PHACTR3: variants seen among roughly 807,000 people sequenced by gnomAD.
PHACTR3 encodes the protein protein phosphatase 1, regulatory subunit 123.
A neutral mutation model predicts 66.8 loss-of-function variants in PHACTR3; 16 were observed. That is an observed-to-expected ratio of 0.24 (90% CI 0.16 to 0.36). PHACTR3 has a LOEUF of 0.36. Ranked by LOEUF, PHACTR3 falls within the 10% of genes least tolerant of loss-of-function variation. The pLI, the probability that PHACTR3 is intolerant of heterozygous loss-of-function variation, is 1.00. For synonymous variants in PHACTR3, 323 were observed against 292.1 expected (o/e 1.11, Z -1.08); for missense variants, 647 against 719.9 (o/e 0.90, Z 1.16).
intron 1 of PHACTR3, among the ~76,000 whole-genome samples, chr20:59,714,870 A>G (rs1568738025): frequency 6.6e-6 from 1 of 152,116 alleles, no homozygotes; most frequent in South Asian, 2.1e-4. Flanking sequence ...AATGTATTCT[A>G]TGTATAGGTC....
Position 59,605,201 on chromosome 20 carries a change from C to T in PHACTR3, c.118+69C>T, listed in dbSNP as rs986968829. 2.7e-6 allele frequency: 3 copies of T among 1,109,422 alleles called. No individual in the cohort carries two copies. In the South Asian group the frequency reaches 9.3e-5, roughly 34 times the overall value. 68.7% of individuals were successfully genotyped at this position (1,109,422 alleles called of 1,614,324 possible). A position where few individuals can be genotyped will look rare whatever the true frequency, so the allele number is the denominator to read the frequency against. On this transcript the variant is annotated intron_variant, in intron 1 of 12. Transcript: ENST00000371015. Reference sequence around the variant, plus strand: ...AGGCAGGTGGCGCTGAGAGCAGGACCCCGCGAGGCTCCGCGCCCCGCCTGC... The same window carrying T: ...AGGCAGGTGGCGCTGAGAGCAGGACTCCGCGAGGCTCCGCGCCCCGCCTGC...
At chr20:59,598,170 T>A (rs2033378816) in intron 1 of PHACTR3, among the ~76,000 whole-genome samples, 1 of 152,242 alleles carries the variant, frequency 6.6e-6, no homozygotes, top group Non-Finnish European at 1.5e-5. Flanking sequence ...GTTGTGTTTC[T>A]CTGCTCTGGG....
At chr20:59,810,020 A>G (rs1043201197) in intron 8 of PHACTR3, among the ~76,000 whole-genome samples, 1 of 152,238 alleles carries the variant, frequency 6.6e-6, no homozygotes, top group African/African-American at 2.4e-5. Flanking sequence ...ACCAGTTAAT[A>G]ATGGTTTTCT....
At chr20:59,605,851 G>C (rs937348679) in intron 1 of PHACTR3, among the ~76,000 whole-genome samples, 13 of 128,734 alleles carry the variant, frequency 1.0e-4, no homozygotes, top group Non-Finnish European at 2.2e-4. Context: ...TAAAGCGGGG[G>C]GGGAGGTGGG....
chr20:59,747,378 G>C (rs1292521654), intron 2 of PHACTR3, among the ~76,000 whole-genome samples: 1 of 152,236 alleles, frequency 6.6e-6, no homozygotes, highest in South Asian at 2.1e-4. Flanking sequence ...AAAGGAGCCC[G>C]GGGTGTTGGC....
chr20:59,774,355 G>T lies in PHACTR3; in HGVS notation c.1039G>T (p.Gly347Trp). 1 of 1,614,120 alleles carries T rather than the reference G, an allele frequency of 6.2e-7. No individual in the cohort carries two copies. Among genetic ancestry groups the T allele is most frequent in the Non-Finnish European group, 8.5e-7 (1 of 1,180,022 alleles). ...GAGGGAGGAGGCTTGGAGCTTTGAC[G>T]GGGCATTGGAGAACAAGCGAACTGC... ...KEREEAWSFD[G>W]ALENKRTAAK... The change falls in exon 7 of 13, where the codon GGG (glycine) becomes TGG (tryptophan). Residue 347 changes from glycine (G) to tryptophan (W), a missense_variant. By Grantham distance (184) the Gly-to-Trp change is radical (BLOSUM62 -2). This residue lies in a region of PHACTR3 where 577 missense variants were observed against 571.1 expected (regional missense o/e 1.01). Coordinates refer to ENST00000371015, the MANE Select transcript of PHACTR3 (RefSeq NM_080672.5).
At chr20:59,809,019 G>C (rs1309126081) in intron 8 of PHACTR3, among the ~76,000 whole-genome samples, 1 of 152,108 alleles carries the variant, frequency 6.6e-6, no homozygotes, top group Non-Finnish European at 1.5e-5. Context: ...ACGCTCCCCG[G>C]GTGAGAATCC....
chr20:59,814,231 G>T (rs1360542633), intron 8 of PHACTR3, among the ~76,000 whole-genome samples: 8 of 152,160 alleles, frequency 5.3e-5, no homozygotes, highest in Admixed American at 1.3e-4. Context: ...GGAGACAAGG[G>T]TTTCTCACAT....
intron 1 of PHACTR3, among the ~76,000 whole-genome samples, chr20:59,657,285 T>C (rs63041062): frequency 7.3e-6 from 1 of 137,780 alleles, no homozygotes; most frequent in Admixed American, 7.3e-5. Context: ...GTGTGTGTGT[T>C]TGTGTGTTAT....
intron 7 of PHACTR3, among the ~76,000 whole-genome samples, chr20:59,795,458 G>A (rs1728835412): frequency 1.3e-5 from 2 of 151,522 alleles, no homozygotes; most frequent in South Asian, 4.2e-4. Context: ...GTATTCTGCA[G>A]CTGCTGGATA....
intron 1 of PHACTR3, among the ~76,000 whole-genome samples, chr20:59,613,960 C>G (rs1389249427): frequency 2.0e-5 from 3 of 152,200 alleles, no homozygotes; most frequent in African/African-American, 7.2e-5. Flanking sequence ...TGCTTATTGT[C>G]AACTCTTGTT....
intron 1 of PHACTR3, among the ~76,000 whole-genome samples, chr20:59,699,919 G>A (rs1249062713): frequency 1.3e-5 from 2 of 152,128 alleles, no homozygotes; most frequent in Non-Finnish European, 2.9e-5. Context: ...CCAAGATCGC[G>A]CCACTGCACT....
At chr20:59,825,521 C>T (rs559845081) in intron 8 of PHACTR3, among the ~76,000 whole-genome samples, 4 of 152,294 alleles carry the variant, frequency 2.6e-5, no homozygotes, top group African/African-American at 9.6e-5. Context: ...GAGTACACAG[C>T]ATTGGGTACT....
At chr20:59,585,840 T>C (rs554636116) in intron 1 of PHACTR3, among the ~76,000 whole-genome samples, 5 of 152,316 alleles carry the variant, frequency 3.3e-5, no homozygotes, top group Admixed American at 2.0e-4. Context: ...AGGAAAGCCA[T>C]TTAGCAAAAA....
upstream of PHACTR3, among the ~76,000 whole-genome samples, chr20:59,599,662 C>T (rs1039859962): frequency 2.6e-5 from 4 of 151,594 alleles, no homozygotes; most frequent in Non-Finnish European, 4.4e-5. Flanking sequence ...CTCAATTCTA[C>T]CCCCCTCATA....
intron 1 of PHACTR3, among the ~76,000 whole-genome samples, chr20:59,634,631 C>T (rs914991117): frequency 6.6e-6 from 1 of 152,184 alleles, no homozygotes; most frequent in Non-Finnish European, 1.5e-5. Context: ...ACTCTCTGGC[C>T]CTTCATAGAA....
intron 8 of PHACTR3, among the ~76,000 whole-genome samples, chr20:59,833,149 C>T (rs2042434107): frequency 6.6e-6 from 1 of 152,218 alleles, no homozygotes; most frequent in African/African-American, 2.4e-5. Flanking sequence ...GCTCTGTTTA[C>T]AACCCTGTGC....
At chr20:59,638,221 A>T (rs2034962698) in intron 1 of PHACTR3, among the ~76,000 whole-genome samples, 1 of 152,334 alleles carries the variant, frequency 6.6e-6, no homozygotes, top group South Asian at 2.1e-4. Context: ...ACTGCTATTT[A>T]GGTTCTTAGT....
intron 1 of PHACTR3, among the ~76,000 whole-genome samples, chr20:59,599,513 C>T (rs1272262760): frequency 6.8e-6 from 1 of 147,692 alleles, no homozygotes; most frequent in East Asian, 1.9e-4. Context: ...GGGCAGCAGA[C>T]TCTTCCACAT....
Sources: gnomAD v4.1 joint callset for allele counts (sites outside exome capture counted in the v4.1 genomes callset) on GRCh38, gnomAD v4.1.1 for gene constraint, gnomAD v4.1.1 regional missense constraint, MANE v1.5 for transcripts, NCBI Gene and HGNC (gene_info 2026-07-23, HGNC 2026-07-21) for gene names.